The following C12orf42 variants were observed in gnomAD, a reference collection of about 807,000 sequenced individuals.
C12orf42 encodes uncharacterized protein C12orf42.
C12orf42 carries 25 observed loss-of-function variants against 21.6 expected under a neutral mutation model. The ratio of observed to expected loss-of-function variants is 1.16; its 90% CI spans 0.84 to 1.62. The LOEUF (loss-of-function observed/expected upper bound fraction) is 1.62, where lower values mean the gene tolerates loss of function less well. Ranked by LOEUF, C12orf42 falls within the 40% of genes most tolerant of loss-of-function variation. The pLI is 0.00. For synonymous variants in C12orf42, 174 were observed against 175.0 expected (o/e 0.99, Z 0.05); for missense variants, 483 against 459.3 (o/e 1.05, Z -0.47).
At chr12:103,107,300 G>A in the C12orf42 span, among the ~76,000 whole-genome samples, 1 of 151,800 alleles carries the variant, frequency 6.6e-6, no homozygotes, top group Non-Finnish European at 1.5e-5. Flanking sequence ...GAAACTTACA[G>A]CCCCAAATTA....
chr12:103,423,669 G>A (rs751732816), intron 2 of C12orf42, among the ~76,000 whole-genome samples: 7 of 152,066 alleles, frequency 4.6e-5, no homozygotes, highest in Non-Finnish European at 8.8e-5. Context: ...AACATTTTCA[G>A]GCCTAAAATT....
chr12:103,541,041 T>A, the C12orf42 span, among the ~76,000 whole-genome samples: 1 of 152,024 alleles, frequency 6.6e-6, no homozygotes, highest in Non-Finnish European at 1.5e-5. Flanking sequence ...GTAGCTGGGA[T>A]TATAGGTGCA....
At chr12:103,375,009 C>G (rs1341649289) in intron 3 of C12orf42, among the ~76,000 whole-genome samples, 1 of 152,174 alleles carries the variant, frequency 6.6e-6, no homozygotes. Context: ...ACTTACAACC[C>G]TTACAACTAA....
the C12orf42 span, among the ~76,000 whole-genome samples, chr12:103,555,413 T>C: frequency 3.9e-3 from 597 of 152,202 alleles, 6 homozygotes; most frequent in African/African-American, 0.014. Flanking sequence ...CCTGCCCCCA[T>C]GATTCAATTA....
At chr12:103,450,779 C>T (rs1252529902) in intron 2 of C12orf42, among the ~76,000 whole-genome samples, 2 of 152,038 alleles carry the variant, frequency 1.3e-5, no homozygotes, top group Non-Finnish European at 2.9e-5. Flanking sequence ...TTCATCACAG[C>T]CTAGGTTTCT....
the C12orf42 span, among the ~76,000 whole-genome samples, chr12:103,050,819 C>T: frequency 6.6e-6 from 1 of 151,924 alleles, no homozygotes; most frequent in Non-Finnish European, 1.5e-5. Flanking sequence ...CTTAGAAGAG[C>T]CAGCTTCAAA....
the C12orf42 span, among the ~76,000 whole-genome samples, chr12:103,171,074 C>A: frequency 6.6e-6 from 1 of 152,040 alleles, no homozygotes; most frequent in Non-Finnish European, 1.5e-5. Flanking sequence ...TCCCTTCTTT[C>A]CTGGAGCTTC....
the C12orf42 span, among the ~76,000 whole-genome samples, chr12:103,067,695 A>G: frequency 1.3e-5 from 2 of 152,166 alleles, no homozygotes; most frequent in East Asian, 3.8e-4. Context: ...TAGCTGGCCT[A>G]GAGGTCTTCG....
At chr12:103,536,594 T>C in the C12orf42 span, among the ~76,000 whole-genome samples, 1 of 152,080 alleles carries the variant, frequency 6.6e-6, no homozygotes, top group South Asian at 2.1e-4. Context: ...CCCCCAGCCA[T>C]CACATGTCCA....
At chr12:103,426,945 G>T (rs1176331220) in intron 2 of C12orf42, among the ~76,000 whole-genome samples, 1 of 152,078 alleles carries the variant, frequency 6.6e-6, no homozygotes, top group East Asian at 1.9e-4. Flanking sequence ...CCTTACAAGA[G>T]CTCCTAAAGG....
chr12:103,492,209 T>C (rs940034211), intron 1 of C12orf42, among the ~76,000 whole-genome samples: 2 of 152,212 alleles, frequency 1.3e-5, no homozygotes, highest in Admixed American at 6.5e-5. Flanking sequence ...CCACCTGCCA[T>C]GGCCTCCCAA....
In C12orf42 at chr12:103,306,035, T is replaced by C; in HGVS notation, c.570A>G (p.Ile190Met). 1 of 1,614,018 alleles carries C rather than the reference T, an allele frequency of 6.2e-7. No homozygotes were observed. The highest frequency in any genetic ancestry group is 8.5e-7 in the Non-Finnish European group (1 of 1,179,848). Residue 190 changes from isoleucine (I) to methionine (M), a missense_variant, in exon 5 of 6, where the codon ATA (isoleucine) becomes ATG (methionine). By Grantham distance (10) the Ile-to-Met change is conservative (BLOSUM62 1). Coordinates refer to ENST00000548883, the MANE Select transcript of C12orf42 (RefSeq NM_198521.5). ...VNPVHLEAQGIHISRHTRPKG... is the reference protein window; with the variant it reads ...VNPVHLEAQGMHISRHTRPKG... The stretch of plus-strand genomic sequence containing the variant: ...TAGGTCTTGTGTGTCTACTGATGTG[T>C]ATGCCCTGAGCCTCCAGGTGAACAG...
chr12:103,494,157 A>G (rs1947504177), intron 1 of C12orf42, among the ~76,000 whole-genome samples: 2 of 152,222 alleles, frequency 1.3e-5, no homozygotes, highest in South Asian at 4.1e-4. Context: ...TCATTTCTCC[A>G]CAATAGCCTG....
intron 3 of C12orf42, among the ~76,000 whole-genome samples, chr12:103,389,578 C>T (rs17033809): frequency 5.3e-5 from 8 of 152,122 alleles, no homozygotes; most frequent in Admixed American, 1.3e-4. Flanking sequence ...CTTGTTAACC[C>T]GTTCCATCCT....
chr12:103,140,953 A>G, the C12orf42 span, among the ~76,000 whole-genome samples: 1 of 152,316 alleles, frequency 6.6e-6, no homozygotes, highest in East Asian at 1.9e-4. Flanking sequence ...AGCTAAATAT[A>G]AGCCTGCACT....
intron 4 of C12orf42, among the ~76,000 whole-genome samples, chr12:103,326,019 A>G (rs2040658718): frequency 6.6e-6 from 1 of 152,228 alleles, no homozygotes; most frequent in South Asian, 2.1e-4. Context: ...GACACTCATG[A>G]TGTGCCAGGA....
chr12:103,283,161 A>G (rs1428588736), intron 4 of C12orf42, among the ~76,000 whole-genome samples: 2 of 152,208 alleles, frequency 1.3e-5, no homozygotes, highest in African/African-American at 4.8e-5. Flanking sequence ...TGGAATTGTA[A>G]AAGCTCCCTA....
the C12orf42 span, among the ~76,000 whole-genome samples, chr12:103,183,078 C>T: frequency 3.3e-5 from 5 of 152,174 alleles, no homozygotes; most frequent in African/African-American, 9.7e-5. Flanking sequence ...TTCTCTTGCT[C>T]TATTTCATTT....
At chr12:103,557,254 G>GA in the C12orf42 span, among the ~76,000 whole-genome samples, 1 of 152,142 alleles carries the variant, frequency 6.6e-6, no homozygotes, top group Non-Finnish European at 1.5e-5. Context: ...AGAAACCACA[G>GA]AAAATATGTC....
Sources: allele counts gnomAD v4.1 joint callset (sites outside exome capture counted in the v4.1 genomes callset), GRCh38; gene constraint gnomAD v4.1.1; transcripts MANE v1.5; gene names NCBI Gene and HGNC (gene_info 2026-07-23, HGNC 2026-07-21).